The following PGM5 variants were observed in gnomAD, a reference collection of about 807,000 sequenced individuals.
PGM5 encodes the protein phosphoglucomutase-like protein 5.
In PGM5, 23 loss-of-function variants were observed where a neutral mutation model predicts 59.2. That is an observed-to-expected ratio of 0.39 (90% CI 0.28 to 0.55). The LOEUF is 0.55. PGM5 is among the 20% of genes least tolerant of loss of function. The pLI is 0.66. For synonymous variants in PGM5, 214 were observed against 286.0 expected, an observed-to-expected ratio of 0.75 and a Z score of 2.54; for missense variants, 574 against 748.3, an observed-to-expected ratio of 0.77 and a Z score of 2.72.
chr9:68,495,531 C>T (rs1485622384), intron 9 of PGM5, among the ~76,000 whole-genome samples: 1 of 152,194 alleles, frequency 6.6e-6, no homozygotes, highest in Non-Finnish European at 1.5e-5. Flanking sequence ...CTTCATACAG[C>T]CTCTAACAAT....
chr9:68,504,589 T>A (rs1047631499), intron 10 of PGM5, among the ~76,000 whole-genome samples: 1 of 152,204 alleles, frequency 6.6e-6, no homozygotes, highest in Non-Finnish European at 1.5e-5. Context: ...CTGCATAGCT[T>A]GTCTCCTTAC....
At chr9:68,474,940 T>C (rs1280896637) in intron 7 of PGM5, among the ~76,000 whole-genome samples, 1 of 148,934 alleles carries the variant, frequency 6.7e-6, no homozygotes, top group Non-Finnish European at 1.5e-5. Flanking sequence ...TGAGCCCAAC[T>C]ATATGACTCT....
At chr9:68,502,462 T>C (rs1554688730) in intron 10 of PGM5, among the ~76,000 whole-genome samples, 1 of 152,002 alleles carries the variant, frequency 6.6e-6, no homozygotes, top group Non-Finnish European at 1.5e-5. Context: ...AGCCTGTGGG[T>C]GGAGTAGTTA....
At chr9:68,411,263 G>T (rs1554681585) in intron 6 of PGM5, among the ~76,000 whole-genome samples, 1 of 151,994 alleles carries the variant, frequency 6.6e-6, no homozygotes, top group Non-Finnish European at 1.5e-5. Context: ...AGCCGGGTGT[G>T]CCTGTAGTCC....
intron 10 of PGM5, among the ~76,000 whole-genome samples, chr9:68,517,563 G>A (rs182827607): frequency 3.2e-4 from 48 of 152,162 alleles, no homozygotes; most frequent in Admixed American, 3.1e-3. Context: ...TAAGACAATA[G>A]AGCATGGTGG....
chr9:68,494,196 T>C (rs1554688030), intron 9 of PGM5, among the ~76,000 whole-genome samples: 1 of 152,028 alleles, frequency 6.6e-6, no homozygotes, highest in Non-Finnish European at 1.5e-5. Flanking sequence ...TCACAGTTGC[T>C]CCAGGAATTC....
chr9:68,423,447 A>G (rs1823176162), intron 6 of PGM5, among the ~76,000 whole-genome samples: 1 of 152,206 alleles, frequency 6.6e-6, no homozygotes, highest in African/African-American at 2.4e-5. Context: ...AAAAGAACAC[A>G]CAAGAACCTG....
At chr9:68,362,694 A>T (rs1338898920) in intron 1 of PGM5, among the ~76,000 whole-genome samples, 17 of 152,094 alleles carry the variant, frequency 1.1e-4, no homozygotes, top group Non-Finnish European at 2.1e-4. Flanking sequence ...GAGCTAAAAT[A>T]CAACACAATG....
intron 10 of PGM5, among the ~76,000 whole-genome samples, chr9:68,528,068 G>T (rs1395100910): frequency 6.6e-6 from 1 of 152,072 alleles, no homozygotes; most frequent in Non-Finnish European, 1.5e-5. Context: ...CTCCCTTTAT[G>T]CATGGGAATA....
At chr9:68,466,826 C>T (rs530060864) in intron 7 of PGM5, among the ~76,000 whole-genome samples, 5 of 152,288 alleles carry the variant, frequency 3.3e-5, no homozygotes, top group Admixed American at 1.3e-4. Context: ...GTCTGTAACA[C>T]AAAATACAGT....
intron 7 of PGM5, among the ~76,000 whole-genome samples, chr9:68,469,126 C>A (rs1257087625): frequency 6.6e-6 from 1 of 152,166 alleles, no homozygotes; most frequent in Non-Finnish European, 1.5e-5. Context: ...CCATATTGGC[C>A]AGGCTGGTCT....
intron 6 of PGM5, among the ~76,000 whole-genome samples, chr9:68,416,995 G>C (rs1219229822): frequency 2.6e-5 from 4 of 152,162 alleles, no homozygotes; most frequent in African/African-American, 9.7e-5. Context: ...TCCTAACGGG[G>C]TTCAGTAGGT....
At chr9:68,360,547 A>G (rs1158312240) in intron 1 of PGM5, among the ~76,000 whole-genome samples, 2 of 150,388 alleles carry the variant, frequency 1.3e-5, no homozygotes, top group African/African-American at 4.9e-5. Flanking sequence ...TTTTGAAGCT[A>G]TAGTTGTTGA....
intron 10 of PGM5, among the ~76,000 whole-genome samples, chr9:68,518,263 T>C (rs1291758088): frequency 1.3e-5 from 2 of 152,368 alleles, no homozygotes; most frequent in African/African-American, 4.8e-5. Flanking sequence ...GGCTCTGATC[T>C]TCTGGCTCCC....
In PGM5 at chr9:68,423,618, A is replaced by C. The variant is rs189677364; in HGVS notation, c.1043+31145A>C. Among the ~76,000 whole-genome samples, 280 of 147,670 alleles carry C rather than the reference A, an allele frequency of 1.9e-3. 3 individuals are homozygous for C. Among genetic ancestry groups the C allele is most frequent in the Non-Finnish European group, 2.3e-3 (156 of 67,236 alleles). The stretch of plus-strand genomic sequence containing the variant: ...ATGGCAGCCTTTGGGAAATAACCCC[A>C]AGAGCACAAAATCTCTCTCTCTCTC... On this transcript the variant is annotated intron_variant, in intron 6 of 10. Transcript: ENST00000396396.
At chr9:68,471,971 A>AC (rs1491183386) in intron 7 of PGM5, among the ~76,000 whole-genome samples, 1 of 62,410 alleles carries the variant, frequency 1.6e-5, no homozygotes, top group African/African-American at 7.3e-5. Context: ...CCTTGGTGAC[A>AC]AAAAAAAAAA....
At chr9:68,401,889 ATGTG>A (rs1327827891) in intron 6 of PGM5, among the ~76,000 whole-genome samples, 65 of 9,292 alleles carry the variant, frequency 7.0e-3, no homozygotes, top group African/African-American at 0.017. Flanking sequence ...ATATATATAT[ATGTG>A]TGTGTGTGTG....
At chr9:68,471,639 A>G (rs1824020489) in intron 7 of PGM5, among the ~76,000 whole-genome samples, 2 of 150,424 alleles carry the variant, frequency 1.3e-5, no homozygotes, top group Admixed American at 6.6e-5. Flanking sequence ...AAAAAGAGAG[A>G]CTCGGTGCAG....
chr9:68,428,318 A>G (rs1823281196), intron 6 of PGM5, among the ~76,000 whole-genome samples: 1 of 152,190 alleles, frequency 6.6e-6, no homozygotes, highest in African/African-American at 2.4e-5. Flanking sequence ...AGACGGCTCT[A>G]GCACTGTTGT....
Sources: gnomAD v4.1 joint callset for allele counts (sites outside exome capture counted in the v4.1 genomes callset) on GRCh38, gnomAD v4.1.1 for gene constraint, MANE v1.5 for transcripts, NCBI Gene and HGNC (gene_info 2026-07-23, HGNC 2026-07-21) for gene names.